FGF1: variants seen among roughly 807,000 people sequenced by gnomAD.
The protein encoded by FGF1 is beta-endothelial cell growth factor.
A neutral mutation model predicts 13.4 loss-of-function variants in FGF1; 9 were observed. That is an observed-to-expected ratio of 0.67 (90% CI 0.40 to 1.17). FGF1 has a LOEUF of 1.17. Among genes scored for constraint, FGF1 ranks in the 50% most tolerant of loss-of-function variants. The pLI, the probability that FGF1 is intolerant of heterozygous loss-of-function variation, is 0.01. For missense variants in FGF1, 156 were observed against 192.7 expected, an observed-to-expected ratio of 0.81 and a Z score of 1.13; for synonymous variants, 93 against 79.0, an observed-to-expected ratio of 1.18 and a Z score of -0.94.
intron 1 of FGF1, among the ~76,000 whole-genome samples, chr5:142,646,590 C>A (rs1766176467): frequency 6.6e-6 from 1 of 151,468 alleles, no homozygotes; most frequent in South Asian, 2.1e-4. Context: ...TGACCTCATG[C>A]TCTGCCCGCC....
At chr5:142,663,510 C>G (rs189011390) in intron 1 of FGF1, among the ~76,000 whole-genome samples, 269 of 152,222 alleles carry the variant, frequency 1.8e-3, no homozygotes, top group African/African-American at 5.3e-3. Context: ...AGTACAACTG[C>G]CTTCTTCACT....
intron 1 of FGF1, among the ~76,000 whole-genome samples, chr5:142,646,669 T>C (rs560016062): frequency 6.6e-6 from 1 of 151,182 alleles, no homozygotes; most frequent in Non-Finnish European, 1.5e-5. Flanking sequence ...TTTTTTATAG[T>C]TTTTAGTAGA....
rs1285280244 is a variant in FGF1 at position 142,592,483 on chromosome 5, A to C, written c.*2807T>G. 5 of 398,388 alleles carry C rather than the reference A, an allele frequency of 1.3e-5. No homozygotes were observed. The highest frequency in any genetic ancestry group is 4.1e-5 in the African/African-American group (2 of 48,612). The allele number at this position is 398,388 out of a possible 1,614,324, so 24.7% of individuals were successfully genotyped here. On this transcript the variant is annotated 3_prime_UTR_variant, in exon 4 of 4. Coordinates refer to ENST00000337706, the MANE Select transcript of FGF1 (RefSeq NM_000800.5). ...ACCAATACCTACCTCCACCACCATC[A>C]CATTGCAAACGACCAAAAGCACATA...
intron 2 of FGF1, among the ~76,000 whole-genome samples, chr5:142,602,034 C>T (rs1236848134): frequency 6.6e-6 from 1 of 152,128 alleles, no homozygotes; most frequent in African/African-American, 2.4e-5. Context: ...CCAGTGGCTG[C>T]CCAATAGTTA....
At chr5:142,612,824 A>G (rs152524) in intron 2 of FGF1, among the ~76,000 whole-genome samples, 72,880 of 151,914 alleles carry the variant, frequency 0.48, 18,235 homozygotes, top group African/African-American at 0.61. Flanking sequence ...AAACGCCAGC[A>G]TCCATCCCCA....
In FGF1 at chr5:142,664,365, G is replaced by T. The variant is rs369137405; in HGVS notation, c.-35+21592C>A. Among the ~76,000 whole-genome samples, 23 of 152,324 alleles carry T rather than the reference G, an allele frequency of 1.5e-4. No homozygotes were observed. The East Asian group carries it at 4.1e-3, about 27-fold the overall frequency. On this transcript the variant is annotated intron_variant, in intron 1 of 3. Coordinates refer to ENST00000337706, the MANE Select transcript of FGF1 (RefSeq NM_000800.5). ...GCGGCTCCCTAGCGCCGTGTCACTG[G>T]CTATGGGCACGGACGCCACTGCTCT...
At chr5:142,646,774 G>A (rs574805220) in intron 1 of FGF1, among the ~76,000 whole-genome samples, 1 of 152,342 alleles carries the variant, frequency 6.6e-6, no homozygotes, top group South Asian at 2.1e-4. Flanking sequence ...TTACAGGTGT[G>A]AGCCACTGCG....
intron 1 of FGF1, among the ~76,000 whole-genome samples, chr5:142,675,595 C>A (rs1431417181): frequency 6.6e-6 from 1 of 152,198 alleles, no homozygotes; most frequent in Non-Finnish European, 1.5e-5. Flanking sequence ...ATGCTGAGAG[C>A]TTTACATGCC....
At chr5:142,646,054 G>A (rs867468703) in intron 1 of FGF1, among the ~76,000 whole-genome samples, 23 of 151,502 alleles carry the variant, frequency 1.5e-4, no homozygotes, top group African/African-American at 4.4e-4. Flanking sequence ...GACTACAGGC[G>A]CCTGCCACCA....
rs927476084 is a variant in FGF1 at position 142,672,183 on chromosome 5, A to G, written c.-35+13774T>C. On this transcript the variant is annotated intron_variant, in intron 1 of 3. Transcript: ENST00000337706. Reference sequence around the variant, plus strand: ...ATAAACAGGAAAAAACTGAAAAGGCATAAATCAATGTTACCAATATTTTAA... The same window carrying G: ...ATAAACAGGAAAAAACTGAAAAGGCGTAAATCAATGTTACCAATATTTTAA... Among the ~76,000 whole-genome samples, 30 of 152,368 alleles carry G rather than the reference A, an allele frequency of 2.0e-4. 1 individual carries two copies. The highest frequency in any genetic ancestry group is 6.7e-4 in the African/African-American group (28 of 41,580).
intron 1 of FGF1, among the ~76,000 whole-genome samples, chr5:142,685,225 C>T (rs75166428): frequency 1.8e-3 from 274 of 152,130 alleles, no homozygotes; most frequent in African/African-American, 5.9e-3. Flanking sequence ...TAGTGCCCAT[C>T]GGAGGGGTAC....
chr5:142,668,809 C>T (rs1770917283), intron 1 of FGF1, among the ~76,000 whole-genome samples: 2 of 152,090 alleles, frequency 1.3e-5, no homozygotes. Context: ...GCTTCCTGTC[C>T]TTGAAAGAAG....
chr5:142,648,969 C>T (rs944555244), intron 1 of FGF1, among the ~76,000 whole-genome samples: 2 of 151,950 alleles, frequency 1.3e-5, no homozygotes, highest in African/African-American at 2.4e-5. Flanking sequence ...GCAGGACGGC[C>T]GAGAGAGGAA....
chr5:142,653,436 G>A (rs777714211), intron 1 of FGF1, among the ~76,000 whole-genome samples: 2 of 152,142 alleles, frequency 1.3e-5, no homozygotes, highest in Non-Finnish European at 2.9e-5. Context: ...GCTACATGGG[G>A]TCCAGCCCTG....
rs187273808 is a variant in FGF1, at chr5:142,637,711, T to C, written c.-34-23550A>G. 2.0e-5 allele frequency among the ~76,000 whole-genome samples: 3 copies of C among 152,202 alleles called. 1 individual carries two copies. The highest frequency in any genetic ancestry group is 7.2e-5 in the African/African-American group (3 of 41,428). ...CCTGGGCATCCAGGACTGTCGTCCC[T>C]GCTCTTCTGCACCCTGCCTTGGACT... On this transcript the variant is annotated intron_variant, in intron 1 of 3. Coordinates refer to ENST00000337706, the MANE Select transcript of FGF1 (RefSeq NM_000800.5).
intron 1 of FGF1, among the ~76,000 whole-genome samples, chr5:142,642,114 C>G (rs996551702): frequency 6.6e-6 from 1 of 152,114 alleles, no homozygotes; most frequent in Non-Finnish European, 1.5e-5. Flanking sequence ...TTAAGAGAAC[C>G]CTCTTCTAGG....
intron 2 of FGF1, among the ~76,000 whole-genome samples, chr5:142,604,098 A>C (rs557338382): frequency 6.6e-6 from 1 of 152,300 alleles, no homozygotes. Flanking sequence ...CAGGGTATCC[A>C]GGGCCAGGGT....
At chr5:142,595,521 G>C (rs753775127) in intron 3 of FGF1, 37 bp from the exon 4 acceptor site, 1 of 1,569,660 alleles carries the variant, frequency 6.4e-7, no homozygotes, top group Admixed American at 1.8e-5. Context: ...AGGACAATCA[G>C]TGAGTAGTTT....
intron 1 of FGF1, among the ~76,000 whole-genome samples, chr5:142,633,410 A>G (rs1763678883): frequency 6.6e-6 from 1 of 152,044 alleles, no homozygotes; most frequent in Admixed American, 6.6e-5. Flanking sequence ...TTCCTTTCTG[A>G]TGTATATGTC....
Sources: allele counts gnomAD v4.1 joint callset (sites outside exome capture counted in the v4.1 genomes callset), GRCh38; gene constraint gnomAD v4.1.1; transcripts MANE v1.5; gene names NCBI Gene and HGNC (gene_info 2026-07-23, HGNC 2026-07-21).